GRM8: variants seen among roughly 807,000 people sequenced by gnomAD.
GRM8 encodes the protein metabotropic glutamate receptor 8.
GRM8 carries 47 observed loss-of-function variants against 87.2 expected under a neutral mutation model. That is an observed-to-expected ratio of 0.54 (90% CI 0.43 to 0.69). The LOEUF (loss-of-function observed/expected upper bound fraction) is 0.69. GRM8 is among the 30% of genes least tolerant of loss of function. The pLI is 0.00. For synonymous variants in GRM8, 396 were observed against 404.5 expected (o/e 0.98, Z 0.25); for missense variants, 1,019 against 1,139.2 (o/e 0.89, Z 1.52).
chr7:126,960,393 C>T (rs1338034843), intron 3 of GRM8, among the ~76,000 whole-genome samples: 2 of 152,068 alleles, frequency 1.3e-5, no homozygotes, highest in Non-Finnish European at 2.9e-5. Flanking sequence ...TGAAACTATG[C>T]AGAAAACAGA....
chr7:127,065,066 A>G (rs1820975477), intron 3 of GRM8, among the ~76,000 whole-genome samples: 1 of 152,230 alleles, frequency 6.6e-6, no homozygotes. Flanking sequence ...ACATGCATAT[A>G]ATAAATTTCA....
chr7:126,563,367 G>A (rs1010746840), intron 8 of GRM8, among the ~76,000 whole-genome samples: 10 of 151,670 alleles, frequency 6.6e-5, no homozygotes, highest in Non-Finnish European at 1.5e-4. Context: ...CTAAGAAATT[G>A]TAGTGTAACA....
chr7:126,866,513 T>G lies in GRM8; in HGVS notation c.1156+36029A>C, dbSNP rs149209842. 4.4e-4 allele frequency among the ~76,000 whole-genome samples: 67 copies of G among 151,964 alleles called. 1 individual carries two copies. The highest frequency in any genetic ancestry group is 1.5e-3 in the African/African-American group (63 of 41,482). ...CTTAATCCAACATCACAAAGATTTA[T>G]ACTTTTTTTCCTAAGAGCTTTATGG... On this transcript the variant is annotated intron_variant, in intron 6 of 10. Coordinates refer to ENST00000339582, the MANE Select transcript of GRM8 (RefSeq NM_000845.3).
chr7:126,464,076 T>A (rs1445474644), intron 9 of GRM8, among the ~76,000 whole-genome samples: 1 of 151,640 alleles, frequency 6.6e-6, no homozygotes, highest in Non-Finnish European at 1.5e-5. Context: ...CTGAAAGTGA[T>A]CAAATTTTTT....
intron 7 of GRM8, among the ~76,000 whole-genome samples, chr7:126,637,964 A>T (rs1802022940): frequency 6.6e-6 from 1 of 152,136 alleles, no homozygotes; most frequent in African/African-American, 2.4e-5. Flanking sequence ...GGTCATTTTT[A>T]GTAGTGATAA....
At chr7:126,953,534 G>T (rs1230498126) in intron 3 of GRM8, among the ~76,000 whole-genome samples, 1 of 152,072 alleles carries the variant, frequency 6.6e-6, no homozygotes, top group Non-Finnish European at 1.5e-5. Context: ...TTTCACTTTT[G>T]TTTGCTGATG....
At chr7:126,552,003 C>T (rs998499845) in intron 8 of GRM8, among the ~76,000 whole-genome samples, 3 of 152,072 alleles carry the variant, frequency 2.0e-5, no homozygotes, top group Non-Finnish European at 4.4e-5. Context: ...AAATTATATG[C>T]TTCACTCAAT....
chr7:126,974,936 CAAAAAAAAAAAAAAAA>C lies in GRM8; in HGVS notation c.728-70269_728-70254del, dbSNP rs36129145. ...GGGTGACAGAGCGAGACTCTTGTCT[CAAAAAAAAAAAAAAAA>C]AAAAAAAAAAAAAAAACCACTAACT... On this transcript the variant is annotated intron_variant, in intron 3 of 10. Transcript: ENST00000339582. Among the ~76,000 whole-genome samples, 176 of 59,626 alleles carry C rather than the reference CAAAAAAAAAAAAAAAA, an allele frequency of 3.0e-3. 4 individuals are homozygous for C. Among genetic ancestry groups the C allele is most frequent in the African/African-American group, 0.01 (153 of 14,846 alleles). 39.1% of individuals were successfully genotyped at this position (59,626 alleles called of 152,430 possible). A position where few individuals can be genotyped will look rare whatever the true frequency, so the allele number is the denominator to read the frequency against.
Position 126,491,836 on chromosome 7 carries a change from C to T in GRM8, c.2430+41116G>A, listed in dbSNP as rs150718868. 9.2e-3 allele frequency among the ~76,000 whole-genome samples: 1,406 copies of T among 152,092 alleles called. 18 individuals carry two copies. The highest frequency in any genetic ancestry group is 0.032 in the African/African-American group (1,318 of 41,522). On this transcript the variant is annotated intron_variant, in intron 9 of 10. Transcript: ENST00000339582. ...AGGATCTCACTGTTTCCTGTCTAGC[C>T]TTCAATAAATTTCAGAATATTTTAA...
intron 9 of GRM8, among the ~76,000 whole-genome samples, chr7:126,504,486 CTT>C (rs1810136265): frequency 2.0e-5 from 3 of 151,818 alleles, no homozygotes; most frequent in Admixed American, 2.0e-4. Flanking sequence ...TTGCTGATGA[CTT>C]TTAATTTTTT....
At chr7:127,231,778 ACCCCTGGGGTT>A (rs1315581813) in intron 2 of GRM8, among the ~76,000 whole-genome samples, 1 of 152,070 alleles carries the variant, frequency 6.6e-6, no homozygotes, top group Non-Finnish European at 1.5e-5. Context: ...GCTGCCACCC[ACCCCTGGGGTT>A]ATTCAGCTGT....
intron 9 of GRM8, among the ~76,000 whole-genome samples, chr7:126,493,233 G>A (rs1808262022): frequency 6.6e-6 from 1 of 152,082 alleles, no homozygotes; most frequent in South Asian, 2.1e-4. Flanking sequence ...CTTTAAGAAA[G>A]CAGGGCTATG....
intron 9 of GRM8, chr7:126,511,579 A>G (rs778868136): frequency 1.9e-4 from 29 of 152,154 alleles, no homozygotes; most frequent in Non-Finnish European, 3.8e-4. Flanking sequence ...GTTACCACCA[A>G]GGAGATGAAG....
At chr7:126,454,160 C>G (rs996612901) in intron 9 of GRM8, among the ~76,000 whole-genome samples, 1 of 151,716 alleles carries the variant, frequency 6.6e-6, no homozygotes, top group Non-Finnish European at 1.5e-5. Context: ...GTTTCAGGAA[C>G]AAAATTTATC....
intron 7 of GRM8, among the ~76,000 whole-genome samples, chr7:126,738,755 G>A (rs1025209561): frequency 2.0e-5 from 3 of 151,358 alleles, no homozygotes; most frequent in African/African-American, 4.9e-5. Context: ...ATAGAGCCCT[G>A]GGAAATTCTA....
At chr7:126,484,560 A>C (rs974491496) in intron 9 of GRM8, among the ~76,000 whole-genome samples, 2 of 152,060 alleles carry the variant, frequency 1.3e-5, no homozygotes, top group African/African-American at 4.8e-5. Context: ...TCATTTTTAA[A>C]TGTAACTACT....
At chr7:126,529,927 T>C (rs1814537271) in intron 9 of GRM8, among the ~76,000 whole-genome samples, 1 of 152,218 alleles carries the variant, frequency 6.6e-6, no homozygotes, top group Admixed American at 6.5e-5. Flanking sequence ...GGTGCATTTA[T>C]ACCATAATTT....
intron 2 of GRM8, among the ~76,000 whole-genome samples, chr7:127,208,658 T>C (rs550987409): frequency 2.0e-5 from 3 of 152,256 alleles, no homozygotes; most frequent in Non-Finnish European, 4.4e-5. Context: ...AGACCATACA[T>C]GTCATTAGAA....
chr7:126,661,605 A>AGC (rs1465708897), intron 7 of GRM8, among the ~76,000 whole-genome samples: 1 of 152,160 alleles, frequency 6.6e-6, no homozygotes, highest in African/African-American at 2.4e-5. Context: ...ACACCTGAAG[A>AGC]GCCTGAGAAT....
Sources: allele counts gnomAD v4.1 joint callset (sites outside exome capture counted in the v4.1 genomes callset), GRCh38; gene constraint gnomAD v4.1.1; transcripts MANE v1.5; gene names NCBI Gene and HGNC (gene_info 2026-07-23, HGNC 2026-07-21).